DCC: variants seen among roughly 807,000 people sequenced by gnomAD.
DCC encodes DCC netrin 1 receptor.
In DCC, 58 loss-of-function variants were observed where a neutral mutation model predicts 172.5. That is an observed-to-expected ratio of 0.34 (90% CI 0.27 to 0.42). The LOEUF is 0.42. DCC is among the 10% of genes least tolerant of loss of function. The pLI is 1.00. For synonymous variants in DCC, 709 were observed against 644.5 expected, an observed-to-expected ratio of 1.10 and a Z score of -1.52; for missense variants, 1,740 against 1,791.0, an observed-to-expected ratio of 0.97 and a Z score of 0.51.
intron 2 of DCC, among the ~76,000 whole-genome samples, chr18:52,802,022 AT>A (rs949598218): frequency 6.7e-6 from 1 of 148,912 alleles, no homozygotes; most frequent in African/African-American, 2.5e-5. Flanking sequence ...TTTTTTAACC[AT>A]TCCCTTCTTT....
intron 5 of DCC, among the ~76,000 whole-genome samples, chr18:52,980,005 C>A (rs1186143346): frequency 7.8e-6 from 1 of 127,456 alleles, no homozygotes; most frequent in African/African-American, 2.7e-5. Context: ...CAGCACTTAT[C>A]CCCTGAGACA....
chr18:52,805,989 T>TA (rs2038077080), intron 2 of DCC, among the ~76,000 whole-genome samples: 1 of 152,260 alleles, frequency 6.6e-6, no homozygotes, highest in Non-Finnish European at 1.5e-5. Flanking sequence ...AAACTGAAGA[T>TA]ATTACCATGC....
Position 52,906,158 on chromosome 18 carries a change from A to G in DCC, c.527A>G (p.Asn176Ser), listed in dbSNP as rs138724679. The G allele has an allele frequency of 1.7e-4, 278 of 1,614,118 alleles. 1 individual carries two copies. Among genetic ancestry groups the G allele is most frequent in the Middle Eastern group, 1.7e-3 (10 of 6,060 alleles). ...EPMPTIHWQK[N>S]QQDLTPIPGD... is the part of the protein sequence containing the mutation. ...ATGCCAACAATCCACTGGCAGAAGA[A>G]CCAACAAGACCTGACTCCAATCCCA... is the stretch of plus-strand genomic sequence containing the variant. The change falls in exon 3 of 29, where the codon AAC (asparagine) becomes AGC (serine). Residue 176 changes from asparagine to serine, a missense_variant. By Grantham distance (46) the Asn-to-Ser change is conservative. Coordinates refer to ENST00000442544, the MANE Select transcript of DCC (RefSeq NM_005215.4).
At chr18:53,100,581 AAGAT>A (rs1349513825) in intron 7 of DCC, among the ~76,000 whole-genome samples, 2 of 151,932 alleles carry the variant, frequency 1.3e-5, no homozygotes, top group Non-Finnish European at 2.9e-5. Context: ...AGAGAAAAGA[AAGAT>A]AGAAGAAGCA....
chr18:52,697,915 G>A (rs1055531003), intron 1 of DCC, among the ~76,000 whole-genome samples: 2 of 152,090 alleles, frequency 1.3e-5, no homozygotes, highest in African/African-American at 4.8e-5. Context: ...TATCATTAAA[G>A]GGTATCATCT....
chr18:53,091,641 G>A (rs1222196512), intron 7 of DCC, among the ~76,000 whole-genome samples: 2 of 151,318 alleles, frequency 1.3e-5, no homozygotes, highest in African/African-American at 4.9e-5. Context: ...AATTCCCTGG[G>A]ATCTCTTTTA....
chr18:53,081,893 T>C (rs1246335603), intron 7 of DCC, among the ~76,000 whole-genome samples: 4 of 152,070 alleles, frequency 2.6e-5, no homozygotes, highest in Non-Finnish European at 5.9e-5. Context: ...GAAATTTGGG[T>C]GTGGGAATTG....
intron 5 of DCC, among the ~76,000 whole-genome samples, chr18:52,928,474 A>T (rs940973126): frequency 2.0e-5 from 3 of 152,208 alleles, no homozygotes; most frequent in Non-Finnish European, 4.4e-5. Context: ...TTAACGTAAT[A>T]TAATACAGTT....
rs1568196331 is a variant in DCC at position 52,933,901 on chromosome 18, T to TCA, written c.985+8531_985+8532insCA. The stretch of plus-strand genomic sequence containing the variant: ...CAATGATAATTACTTTATCATAGGA[T>TCA]TTGGTGTCCGTTTGAGTGTGAAAAG... On this transcript the variant is annotated intron_variant, in intron 5 of 28. Transcript: ENST00000442544. Among the ~76,000 whole-genome samples the TCA allele has an allele frequency of 2.0e-5, 3 of 151,994 alleles. No individual in the cohort carries two copies. In the South Asian group the frequency reaches 6.2e-4, roughly 32 times the overall value.
intron 5 of DCC, among the ~76,000 whole-genome samples, chr18:52,932,230 C>T (rs1052556472): frequency 6.6e-6 from 1 of 152,088 alleles, no homozygotes; most frequent in Admixed American, 6.6e-5. Flanking sequence ...AGCTTTCTGG[C>T]TCAAGGATTT....
At chr18:52,387,574 T>TTCCTTCCTTCCTTC (rs551481939) in intron 1 of DCC, among the ~76,000 whole-genome samples, 2 of 121,996 alleles carry the variant, frequency 1.6e-5, no homozygotes, top group African/African-American at 3.3e-5. Flanking sequence ...TTGTTTTGTT[T>TTCCTTCCTTCCTTC]CTTCCTTCCT....
intron 1 of DCC, among the ~76,000 whole-genome samples, chr18:52,366,348 A>G (rs772847037): frequency 6.6e-6 from 1 of 152,148 alleles, no homozygotes; most frequent in Non-Finnish European, 1.5e-5. Context: ...AAGCTTCCAC[A>G]GTGTGCAAGG....
chr18:52,611,928 T>G (rs1372925882), intron 1 of DCC, among the ~76,000 whole-genome samples: 1 of 152,182 alleles, frequency 6.6e-6, no homozygotes, highest in Non-Finnish European at 1.5e-5. Context: ...ACACAAAAAC[T>G]TTGGCATGAA....
intron 1 of DCC, among the ~76,000 whole-genome samples, chr18:52,439,829 G>C (rs137928735): frequency 6.6e-6 from 1 of 152,124 alleles, no homozygotes; most frequent in Non-Finnish European, 1.5e-5. Context: ...CGAGTATTAC[G>C]CATTGCATGC....
intron 2 of DCC, among the ~76,000 whole-genome samples, chr18:52,807,611 A>T (rs2145240615): frequency 6.6e-6 from 1 of 152,346 alleles, no homozygotes; most frequent in Admixed American, 6.5e-5. Context: ...CTTTGTCCTC[A>T]GGATCTCGCT....
intron 7 of DCC, among the ~76,000 whole-genome samples, chr18:53,135,737 T>C (rs1029093273): frequency 6.6e-6 from 1 of 152,182 alleles, no homozygotes; most frequent in Non-Finnish European, 1.5e-5. Context: ...AATTCAATGA[T>C]GGCTGAATGG....
chr18:53,449,256 G>C (rs2045375866), intron 22 of DCC, among the ~76,000 whole-genome samples: 1 of 152,118 alleles, frequency 6.6e-6, no homozygotes, highest in Admixed American at 6.5e-5. Context: ...TGTGTAACTT[G>C]TAATGACAAA....
rs568944766 is a variant in DCC, at chr18:52,628,503, G to A, written c.92-123551G>A. On this transcript the variant is annotated intron_variant, in intron 1 of 28. Transcript: ENST00000442544. ...CTGTTACAAACTTGCCTTCATCTGT[G>A]TGTACAGCCATTCATCCAGTCATTT... 8.5e-5 allele frequency among the ~76,000 whole-genome samples: 13 copies of A among 152,328 alleles called. 1 individual carries two copies. In the South Asian group the frequency reaches 2.5e-3, roughly 29 times the overall value.
At chr18:53,266,422 C>T (rs1228764482) in intron 12 of DCC, among the ~76,000 whole-genome samples, 1 of 152,024 alleles carries the variant, frequency 6.6e-6, no homozygotes, top group Admixed American at 6.6e-5. Context: ...TTGCTTTTTT[C>T]AATGCCTGGG....
Sources: gnomAD v4.1 joint callset for allele counts (sites outside exome capture counted in the v4.1 genomes callset) on GRCh38, gnomAD v4.1.1 for gene constraint, MANE v1.5 for transcripts, NCBI Gene and HGNC (gene_info 2026-07-23, HGNC 2026-07-21) for gene names.